Variants in NXPE2 observed in about 807,000 individuals in gnomAD.
The protein encoded by NXPE2 is NXPE family member 2.
A neutral mutation model predicts 34.4 loss-of-function variants in NXPE2; 34 were observed. The observed-to-expected ratio is 0.99, with a 90% CI of 0.75 to 1.31. The LOEUF is 1.31. Among genes scored for constraint, NXPE2 ranks in the 40% most tolerant of loss-of-function variants. The pLI is 0.00. For missense variants in NXPE2, 649 were observed against 672.5 expected (o/e 0.97, Z 0.39); for synonymous variants, 235 against 231.3 (o/e 1.02, Z -0.15).
chr11:114,739,039 G>A, the NXPE2 span, among the ~76,000 whole-genome samples: 1 of 152,096 alleles, frequency 6.6e-6, no homozygotes, highest in Non-Finnish European at 1.5e-5. Flanking sequence ...AAATGACTTA[G>A]AAACAATAAC....
chr11:114,570,743 T>C, the NXPE2 span: 1 of 491,740 alleles, frequency 2.0e-6, no homozygotes, highest in Non-Finnish European at 3.6e-6. Flanking sequence ...TGAGTATTTT[T>C]AGTTTTATTT....
rs1158803929 is a variant in NXPE2, at chr11:114,706,601, G to A, written c.1351G>A (p.Gly451Ser). Residue 451 changes from glycine (G) to serine (S), a missense_variant, in exon 6 of 6, where the codon GGC (glycine) becomes AGC (serine). Gly to Ser is a moderately conservative substitution (Grantham distance 56, BLOSUM62 0). Coordinates refer to ENST00000389586, the MANE Select transcript of NXPE2 (RefSeq NM_182495.6). ...DKNTAIVITL[G>S]QHFRPFPINI... is the part of the protein sequence containing the mutation. ...AAACACAGCCATTGTCATTACCCTC[G>A]GCCAACACTTCAGACCCTTTCCCAT... 7 of 1,551,684 alleles carry A rather than the reference G, an allele frequency of 4.5e-6. No homozygotes were observed. The highest frequency in any genetic ancestry group is 1.2e-5 in the South Asian group (1 of 84,048).
chr11:114,531,917 G>A, the NXPE2 span, among the ~76,000 whole-genome samples: 1 of 152,136 alleles, frequency 6.6e-6, no homozygotes, highest in Non-Finnish European at 1.5e-5. Flanking sequence ...CACCGGCCAA[G>A]CTTTTTTAAA....
chr11:114,512,524 C>G, the NXPE2 span, among the ~76,000 whole-genome samples: 1 of 152,140 alleles, frequency 6.6e-6, no homozygotes, highest in Non-Finnish European at 1.5e-5. Flanking sequence ...GGGCTCGCGA[C>G]AGTCGGGAGC....
rs1951473219 is a variant in NXPE2, at chr11:114,706,395, C to T, written c.1145C>T (p.Thr382Ile). The T allele has an allele frequency of 5.2e-6, 8 of 1,525,132 alleles. No homozygotes were observed. Among genetic ancestry groups the T allele is most frequent in the Non-Finnish European group, 7.0e-6 (8 of 1,135,328 alleles). The allele number at this position is 1,525,132 out of a possible 1,614,324, so 94.5% of individuals were successfully genotyped here. A position where few individuals can be genotyped will look rare whatever the true frequency, so the allele number is the denominator to read the frequency against. ...TATTTATTGATTTGTCTTTCATCAG[C>T]CCTAAAATATTTTGATCATCATGGA... ...WIYYLQKAVK[T>I]LKYFDHHGAG... Residue 382 changes from threonine (T) to isoleucine (I), a missense_variant and splice_region_variant, in exon 6 of 6, where the codon ACC becomes ATC. Coordinates refer to ENST00000389586, the MANE Select transcript of NXPE2 (RefSeq NM_182495.6).
At chr11:114,781,598 CCAGGGG>C in the NXPE2 span, among the ~76,000 whole-genome samples, 12 of 151,926 alleles carry the variant, frequency 7.9e-5, no homozygotes, top group Admixed American at 2.0e-4. Context: ...GAAAATATGA[CCAGGGG>C]CAAGGGCACA....
At chr11:114,552,102 G>A in the NXPE2 span, 14 of 152,182 alleles carry the variant, frequency 9.2e-5, no homozygotes, top group Non-Finnish European at 1.8e-4. Context: ...AGGCAAAATG[G>A]AAGTGAGAGA....
At chr11:114,811,838 C>T in the NXPE2 span, among the ~76,000 whole-genome samples, 2,020 of 152,286 alleles carry the variant, frequency 0.013, 44 homozygotes, top group African/African-American at 0.046. Flanking sequence ...CACTTATTAC[C>T]TCCATGACCT....
the NXPE2 span, among the ~76,000 whole-genome samples, chr11:114,652,646 C>T: frequency 0.16 from 24,795 of 152,144 alleles, 2,506 homozygotes; most frequent in East Asian, 0.38. Context: ...GTCTTGAAAT[C>T]ATTCTTGAAG....
the NXPE2 span, among the ~76,000 whole-genome samples, chr11:114,638,275 A>G: frequency 1.1e-4 from 16 of 152,056 alleles, no homozygotes; most frequent in East Asian, 2.9e-3. Context: ...AGGCTTCTGC[A>G]TTCTTCATGT....
chr11:114,649,335 TG>T, the NXPE2 span, among the ~76,000 whole-genome samples: 3 of 152,194 alleles, frequency 2.0e-5, no homozygotes, highest in African/African-American at 2.4e-5. Flanking sequence ...GAAAATCTAA[TG>T]TATTTTAACT....
the NXPE2 span, among the ~76,000 whole-genome samples, chr11:114,626,349 C>T: frequency 2.0e-5 from 3 of 152,220 alleles, no homozygotes; most frequent in African/African-American, 4.8e-5. Context: ...AGACTGCCTC[C>T]TCAAGTGGGT....
the NXPE2 span, among the ~76,000 whole-genome samples, chr11:114,605,508 G>A: frequency 1.3e-4 from 20 of 151,712 alleles, no homozygotes; most frequent in African/African-American, 3.6e-4. Flanking sequence ...GTGTTGCCCC[G>A]TGGGTAACCA....
the NXPE2 span, among the ~76,000 whole-genome samples, chr11:114,797,875 G>C: frequency 6.6e-6 from 1 of 152,182 alleles, no homozygotes; most frequent in African/African-American, 2.4e-5. Flanking sequence ...TGAGCAGCTA[G>C]TGTCAGAACT....
chr11:114,480,702 G>A, the NXPE2 span, among the ~76,000 whole-genome samples: 7 of 152,130 alleles, frequency 4.6e-5, no homozygotes, highest in Admixed American at 6.5e-5. Flanking sequence ...TACAGCGACC[G>A]TTGGTTAAAG....
At chr11:114,633,135 T>C in the NXPE2 span, among the ~76,000 whole-genome samples, 1 of 126,246 alleles carries the variant, frequency 7.9e-6, no homozygotes, top group East Asian at 2.2e-4. Context: ...TTATATTTCA[T>C]ATATTATTTT....
At chr11:114,753,097 G>C in the NXPE2 span, among the ~76,000 whole-genome samples, 1 of 152,192 alleles carries the variant, frequency 6.6e-6, no homozygotes, top group Non-Finnish European at 1.5e-5. Context: ...GGAGGAAGGA[G>C]TGTCAAATGC....
the NXPE2 span, among the ~76,000 whole-genome samples, chr11:114,758,063 C>T: frequency 1.2e-4 from 18 of 152,148 alleles, no homozygotes; most frequent in African/African-American, 3.9e-4. Context: ...CTTTTCCTCC[C>T]AGCCTCCACA....
At chr11:114,541,506 G>A in the NXPE2 span, among the ~76,000 whole-genome samples, 3 of 152,198 alleles carry the variant, frequency 2.0e-5, no homozygotes, top group African/African-American at 4.8e-5. Context: ...AAATATGAGC[G>A]ACCACGACAC....
Sources: gnomAD v4.1 joint callset for allele counts (sites outside exome capture counted in the v4.1 genomes callset) on GRCh38, gnomAD v4.1.1 for gene constraint, MANE v1.5 for transcripts, NCBI Gene and HGNC (gene_info 2026-07-23, HGNC 2026-07-21) for gene names.